NRG3: variants seen among roughly 807,000 people sequenced by gnomAD.
NRG3 encodes the protein neuregulin 3, also known as pro-neuregulin-3, membrane-bound isoform.
Under a neutral mutation model 66.9 loss-of-function variants are expected in NRG3, and 31 were observed. The observed-to-expected ratio is 0.46, with a 90% CI of 0.35 to 0.63. The LOEUF is 0.63. Among genes scored for constraint, NRG3 ranks in the 20% least tolerant of loss-of-function variants. NRG3 has a pLI of 0.00. For missense variants in NRG3, 910 were observed against 878.9 expected, an observed-to-expected ratio of 1.04 and a Z score of -0.45; for synonymous variants, 393 against 359.4, an observed-to-expected ratio of 1.09 and a Z score of -1.06.
chr10:82,852,667 T>A (rs977993424), intron 3 of NRG3, among the ~76,000 whole-genome samples: 1 of 152,188 alleles, frequency 6.6e-6, no homozygotes, highest in Non-Finnish European at 1.5e-5. Context: ...ATTCTATTCG[T>A]TTGCCTTGGT....
intron 2 of NRG3, among the ~76,000 whole-genome samples, chr10:82,378,318 T>C (rs1224241746): frequency 1.3e-5 from 2 of 152,186 alleles, no homozygotes; most frequent in East Asian, 3.9e-4. Context: ...TTGGAGTACG[T>C]GTGATTTGAA....
chr10:82,247,685 A>G (rs2077305390), intron 1 of NRG3, among the ~76,000 whole-genome samples: 1 of 152,206 alleles, frequency 6.6e-6, no homozygotes, highest in Non-Finnish European at 1.5e-5. Flanking sequence ...GGAATTTATT[A>G]TGCTTAAACC....
At chr10:82,811,334 G>C (rs969536713) in intron 3 of NRG3, among the ~76,000 whole-genome samples, 4 of 152,116 alleles carry the variant, frequency 2.6e-5, no homozygotes, top group Non-Finnish European at 5.9e-5. Context: ...TTAAATATTC[G>C]TTGAATAAAC....
chr10:82,768,572 G>A (rs1159340420), intron 3 of NRG3, among the ~76,000 whole-genome samples: 1 of 151,988 alleles, frequency 6.6e-6, no homozygotes, highest in Non-Finnish European at 1.5e-5. Context: ...CCAAGTAATT[G>A]TAGAGATTTT....
rs114854482 is a variant in NRG3 at position 82,133,555 on chromosome 10, T to C, written c.824-225184T>C. Among the ~76,000 whole-genome samples, 1,442 of 152,290 alleles carry C rather than the reference T, an allele frequency of 9.5e-3. 22 individuals are homozygous for C. The highest frequency in any genetic ancestry group is 0.033 in the African/African-American group (1,353 of 41,550). Reference sequence around the variant, plus strand: ...CATTAGTTTACTGAGGACAGTAGCCTCCAGCTCCATCCATATTCTCACCAA... The same window carrying C: ...CATTAGTTTACTGAGGACAGTAGCCCCCAGCTCCATCCATATTCTCACCAA... On this transcript the variant is annotated intron_variant, in intron 1 of 8. Coordinates refer to ENST00000372141, the MANE Select transcript of NRG3 (RefSeq NM_001010848.4).
At chr10:82,480,379 A>G (rs1296365950) in intron 2 of NRG3, among the ~76,000 whole-genome samples, 1 of 152,212 alleles carries the variant, frequency 6.6e-6, no homozygotes, top group Non-Finnish European at 1.5e-5. Flanking sequence ...CCAAAAAGTC[A>G]TTTTAAAATA....
At chr10:82,445,088 A>G (rs182323443) in intron 2 of NRG3, among the ~76,000 whole-genome samples, 3 of 152,182 alleles carry the variant, frequency 2.0e-5, no homozygotes, top group Non-Finnish European at 4.4e-5. Flanking sequence ...TGGAAGGTCT[A>G]AGGTTCTTCT....
intron 2 of NRG3, among the ~76,000 whole-genome samples, chr10:82,521,506 A>AT (rs555714868): frequency 6.6e-5 from 10 of 151,566 alleles, no homozygotes; most frequent in South Asian, 2.1e-4. Context: ...ACGCCCTGCT[A>AT]TTTTTTTGTA....
intron 3 of NRG3, among the ~76,000 whole-genome samples, chr10:82,769,729 C>A (rs993382312): frequency 2.6e-5 from 4 of 152,142 alleles, no homozygotes; most frequent in Admixed American, 2.0e-4. Flanking sequence ...TCAAGCCTTT[C>A]TTTTCTCCTA....
chr10:82,569,822 A>T (rs2045623513), intron 2 of NRG3, among the ~76,000 whole-genome samples: 1 of 151,720 alleles, frequency 6.6e-6, no homozygotes, highest in Admixed American at 6.6e-5. Context: ...CATATGAGTG[A>T]TAAATCCAGG....
intron 2 of NRG3, among the ~76,000 whole-genome samples, chr10:82,541,512 C>T (rs562769212): frequency 9.2e-5 from 14 of 152,092 alleles, no homozygotes; most frequent in Non-Finnish European, 1.6e-4. Context: ...GCAGGGGGTA[C>T]GTGACTGGGG....
chr10:82,255,590 TAAAAAAC>T, intron 1 of NRG3, among the ~76,000 whole-genome samples: 1 of 151,810 alleles, frequency 6.6e-6, no homozygotes, highest in South Asian at 2.1e-4. Context: ...CTTTTTTTTT[TAAAAAAC>T]AAAAAACAAA....
chr10:82,202,286 T>C (rs538182745), intron 1 of NRG3, among the ~76,000 whole-genome samples: 2 of 152,198 alleles, frequency 1.3e-5, no homozygotes, highest in African/African-American at 2.4e-5. Context: ...ATTTTATACA[T>C]GCATTGGAGA....
chr10:82,876,794 A>C (rs937225360), intron 4 of NRG3, among the ~76,000 whole-genome samples: 1 of 152,140 alleles, frequency 6.6e-6, no homozygotes, highest in Non-Finnish European at 1.5e-5. Context: ...AGGCCGAGGC[A>C]GGTGGATCGC....
intron 1 of NRG3, among the ~76,000 whole-genome samples, chr10:82,261,501 T>G (rs978614042): frequency 6.6e-6 from 1 of 152,064 alleles, no homozygotes; most frequent in African/African-American, 2.4e-5. Context: ...CCAGCGGCGC[T>G]AGAGGAATTA....
chr10:82,227,200 G>A (rs186882846), intron 1 of NRG3, among the ~76,000 whole-genome samples: 3 of 152,142 alleles, frequency 2.0e-5, no homozygotes, highest in East Asian at 1.9e-4. Context: ...GTGCAGGAGC[G>A]CTTCAGTTCA....
chr10:82,910,003 C>T (rs957418735), intron 4 of NRG3, among the ~76,000 whole-genome samples: 13 of 152,068 alleles, frequency 8.5e-5, no homozygotes, highest in Admixed American at 1.3e-4. Context: ...CACTCTAAAG[C>T]GAAAACTGAA....
At position 82,763,461 on chromosome 10, in the gene NRG3, C is replaced by T. The variant is rs180799949; in HGVS notation, c.1027+24811C>T. Reference sequence around the variant, plus strand: ...TAGCAATAGAATTATAGAGGAATTCCTCTTAAATTTAAAACAAAACTTAGA... The same window carrying T: ...TAGCAATAGAATTATAGAGGAATTCTTCTTAAATTTAAAACAAAACTTAGA... On this transcript the variant is annotated intron_variant, in intron 3 of 8. Transcript: ENST00000372141. 5.4e-4 allele frequency among the ~76,000 whole-genome samples: 82 copies of T among 151,834 alleles called. No individual in the cohort carries two copies. In the East Asian group the frequency reaches 0.013, roughly 24 times the overall value.
intron 1 of NRG3, among the ~76,000 whole-genome samples, chr10:82,029,108 C>T (rs2062450371): frequency 6.6e-6 from 1 of 151,998 alleles, no homozygotes; most frequent in Admixed American, 6.6e-5. Context: ...GCTCGGGAGG[C>T]TGAGGCAGGA....
Sources: gnomAD v4.1 joint callset for allele counts (sites outside exome capture counted in the v4.1 genomes callset) on GRCh38, gnomAD v4.1.1 for gene constraint, MANE v1.5 for transcripts, NCBI Gene and HGNC (gene_info 2026-07-23, HGNC 2026-07-21) for gene names.